The following F10 variants were observed in gnomAD, a reference collection of about 807,000 sequenced individuals.
The protein encoded by F10 is Stuart-Prower factor.
A neutral mutation model predicts 37.1 loss-of-function variants in F10; 29 were observed. The observed-to-expected ratio is 0.78, with a 90% CI of 0.58 to 1.07. F10 has a LOEUF of 1.07. Among genes scored for constraint, F10 ranks in the 50% least tolerant of loss-of-function variants. F10 has a pLI of 0.00. For synonymous variants in F10, 262 were observed against 268.6 expected, an observed-to-expected ratio of 0.98 and a Z score of 0.24; for missense variants, 539 against 667.9, an observed-to-expected ratio of 0.81 and a Z score of 2.13.
chr13:113,143,699 ACGTG>A lies in F10; in HGVS notation c.503-151_503-148del. The stretch of plus-strand genomic sequence containing the variant: ...CCTGCAGATCCGACCCCTGCCGACG[ACGTG>A]GGGCCTCGCCCTGCAAGCCCGCTGC... On this transcript the variant is annotated intron_variant, in intron 5 of 7. Coordinates refer to ENST00000375559, the MANE Select transcript of F10 (RefSeq NM_000504.4). This position sits in a 1 kb window ranked among gnomAD's most constrained non-coding sequence, Gnocchi z 6.8. 8.3e-7 allele frequency: 1 copy of A among 1,203,564 alleles called. No individual in the cohort carries two copies. Among genetic ancestry groups the A allele is most frequent in the South Asian group, 1.4e-5 (1 of 71,410 alleles). The allele number at this position is 1,203,564 out of a possible 1,614,324, so 74.6% of individuals were successfully genotyped here.
Position 113,149,485 on chromosome 13 carries a change from C to T in F10, c.1435C>T (p.Pro479Ser). The T allele has an allele frequency of 2.5e-6, 4 of 1,613,244 alleles. No homozygotes were observed. The highest frequency in any genetic ancestry group is 2.5e-6 in the Non-Finnish European group (3 of 1,180,034). The change falls in exon 8 of 8, where the codon CCG becomes TCG. Residue 479 changes from proline (P) to serine (S), a missense_variant. By Grantham distance (74) the Pro-to-Ser change is moderately conservative. Coordinates refer to ENST00000375559, the MANE Select transcript of F10 (RefSeq NM_000504.4). This position sits in a 1 kb window ranked among gnomAD's most constrained non-coding sequence, Gnocchi z 7.5. Reference sequence around the variant, plus strand: ...CTTGCCCAAGGCCAAGAGCCATGCCCCGGAGGTCATAACGTCCTCTCCATT... The same window carrying T: ...CTTGCCCAAGGCCAAGAGCCATGCCTCGGAGGTCATAACGTCCTCTCCATT... ...RGLPKAKSHAPEVITSSPLK is the reference protein window; with the variant it reads ...RGLPKAKSHASEVITSSPLK
intron 2 of F10, chr13:113,131,174 C>T (rs1459333540): frequency 6.6e-6 from 1 of 152,258 alleles, no homozygotes; most frequent in East Asian, 1.9e-4. Flanking sequence ...CTAAGCCTTT[C>T]ATCACCTGCT....
chr13:113,143,711 GCC>G lies in F10; in HGVS notation c.503-138_503-137del. 1.1e-5 allele frequency: 14 copies of G among 1,233,950 alleles called. No homozygotes were observed. Among genetic ancestry groups the G allele is most frequent in the Admixed American group, 7.3e-5 (3 of 41,156 alleles). 76.4% of individuals were successfully genotyped at this position (1,233,950 alleles called of 1,614,324 possible). ...ACCCCTGCCGACGACGTGGGGCCTC[GCC>G]CTGCAAGCCCGCTGCCCCTCCGGGT... is the stretch of plus-strand genomic sequence containing the variant. On this transcript the variant is annotated intron_variant, in intron 5 of 7. Transcript: ENST00000375559. This position sits in a 1 kb window ranked among gnomAD's most constrained non-coding sequence, Gnocchi z 6.8.
intron 7 of F10, 107 bp downstream of exon 7, chr13:113,147,603 C>G: frequency 2.5e-6 from 2 of 788,320 alleles, no homozygotes; most frequent in Non-Finnish European, 4.6e-6. Context: ...GGTTGAAATC[C>G]TGAAATCCTA....
intron 1 of F10, among the ~76,000 whole-genome samples, chr13:113,123,706 C>A (rs2036342918): frequency 6.6e-6 from 1 of 152,084 alleles, no homozygotes; most frequent in Non-Finnish European, 1.5e-5. Context: ...AAAGGGGAGA[C>A]CCCTGGGAAG....
Position 113,143,699 on chromosome 13 carries a change from ACGTGGGGCCTCGCCCT to A in F10, c.503-151_503-136del. On this transcript the variant is annotated intron_variant, in intron 5 of 7. Transcript: ENST00000375559. This position sits in a 1 kb window ranked among gnomAD's most constrained non-coding sequence, Gnocchi z 6.8. ...CCTGCAGATCCGACCCCTGCCGACGACGTGGGGCCTCGCCCTGCAAGCCCGCTGCCCCTCCGGGTGC... is the reference window on the plus strand; with the variant it reads ...CCTGCAGATCCGACCCCTGCCGACGAGCAAGCCCGCTGCCCCTCCGGGTGC... 2.5e-6 allele frequency: 3 copies of A among 1,203,568 alleles called. No individual in the cohort carries two copies. Among genetic ancestry groups the A allele is most frequent in the Admixed American group, 2.1e-5 (1 of 46,648 alleles). 74.6% of individuals were successfully genotyped at this position (1,203,568 alleles called of 1,614,324 possible). A position where few individuals can be genotyped will look rare whatever the true frequency, so the allele number is the denominator to read the frequency against.
intron 7 of F10, among the ~76,000 whole-genome samples, chr13:113,148,239 G>A (rs1276357379): frequency 6.6e-6 from 1 of 151,096 alleles, no homozygotes; most frequent in Non-Finnish European, 1.5e-5. Flanking sequence ...GCTGAGGCAG[G>A]AGAACCACTT....
At chr13:113,132,345 T>G (rs1048044062) in intron 2 of F10, among the ~76,000 whole-genome samples, 1 of 152,268 alleles carries the variant, frequency 6.6e-6, no homozygotes, top group Non-Finnish European at 1.5e-5. Context: ...CTTCTTTACT[T>G]ATATATAGCT....
chr13:113,123,741 C>T (rs1285228208), intron 1 of F10, among the ~76,000 whole-genome samples: 1 of 152,154 alleles, frequency 6.6e-6, no homozygotes, highest in Non-Finnish European at 1.5e-5. Flanking sequence ...CAGTGCATCA[C>T]TGACCTAAAC....
intron 6 of F10, 129 bp from the exon 7 acceptor site, chr13:113,147,250 T>C: frequency 1.4e-6 from 1 of 720,078 alleles, no homozygotes; most frequent in Non-Finnish European, 2.6e-6. Flanking sequence ...CTTGGGTGGA[T>C]GGCAGGAGAC....
rs2036550297 is a variant in F10, at chr13:113,143,355, C to G, written c.503-496C>G. On this transcript the variant is annotated intron_variant, in intron 5 of 7. Transcript: ENST00000375559. This position sits in a 1 kb window ranked among gnomAD's most constrained non-coding sequence, Gnocchi z 6.8. Reference sequence around the variant, plus strand: ...CAGTTGTTTGCGTGCGCCATTCCTTCTGCCTGAAAACTTTTTTTTCTTCAA... The same window carrying G: ...CAGTTGTTTGCGTGCGCCATTCCTTGTGCCTGAAAACTTTTTTTTCTTCAA... Among the ~76,000 whole-genome samples the G allele has an allele frequency of 6.6e-6, 1 of 152,160 alleles. No individual in the cohort carries two copies. Among genetic ancestry groups the G allele is most frequent in the African/African-American group, 2.4e-5 (1 of 41,432 alleles).
At chr13:113,137,222 G>A (rs1274170281) in intron 2 of F10, among the ~76,000 whole-genome samples, 2 of 152,226 alleles carry the variant, frequency 1.3e-5, no homozygotes, top group African/African-American at 4.8e-5. Flanking sequence ...CAAAGGCTTT[G>A]TATTGAATGA....
intron 1 of F10, among the ~76,000 whole-genome samples, chr13:113,124,964 C>T (rs1217680364): frequency 1.3e-5 from 2 of 152,220 alleles, no homozygotes; most frequent in East Asian, 1.9e-4. Flanking sequence ...CCTCCATCAT[C>T]GCATGGGGTT....
At chr13:113,127,293 G>A (rs3211730) in intron 1 of F10, among the ~76,000 whole-genome samples, 1 of 152,220 alleles carries the variant, frequency 6.6e-6, no homozygotes, top group Non-Finnish European at 1.5e-5. Flanking sequence ...AGAGTTTGGA[G>A]TTCTGAGATG....
intron 2 of F10, among the ~76,000 whole-genome samples, chr13:113,134,487 C>G (rs1595091076): frequency 6.6e-6 from 1 of 152,114 alleles, no homozygotes; most frequent in Non-Finnish European, 1.5e-5. Context: ...AAGGGGAATC[C>G]TCTTAAAAAA....
chr13:113,138,397 A>T lies in F10; in HGVS notation c.232-60A>T. 4.8e-6 allele frequency: 4 copies of T among 839,916 alleles called. No homozygotes were observed. In the Admixed American group the frequency reaches 8.0e-5, roughly 17 times the overall value. The allele number at this position is 839,916 out of a possible 1,614,324, so 52.0% of individuals were successfully genotyped here. ...CTTGAGTCACTTAATTATGGTTGTT[A>T]TTGGTATAAAATGTCTCTGTTTTCC... On this transcript the variant is annotated intron_variant, in intron 2 of 7. Coordinates refer to ENST00000375559, the MANE Select transcript of F10 (RefSeq NM_000504.4).
intron 4 of F10, among the ~76,000 whole-genome samples, chr13:113,140,032 G>C (rs1238538986): frequency 1.3e-5 from 2 of 150,886 alleles, no homozygotes; most frequent in Non-Finnish European, 3.0e-5. Flanking sequence ...TTTCCCTAAG[G>C]AAAAAGATTT....
In F10 at chr13:113,141,890, G is replaced by A. The variant is rs1432668496; in HGVS notation, c.502+840G>A. ...AGCCTGGTGACCCAGCTCACCTTCCGGCTTCAGGTGCGGCTCAGCCCCCAG... is the reference window on the plus strand; with the variant it reads ...AGCCTGGTGACCCAGCTCACCTTCCAGCTTCAGGTGCGGCTCAGCCCCCAG... On this transcript the variant is annotated intron_variant, in intron 5 of 7. Coordinates refer to ENST00000375559, the MANE Select transcript of F10 (RefSeq NM_000504.4). The surrounding 1 kb of genome is among the most constrained non-coding windows in gnomAD (Gnocchi z 5.4). Among the ~76,000 whole-genome samples the A allele has an allele frequency of 2.6e-5, 4 of 152,186 alleles. No individual in the cohort carries two copies. The highest frequency in any genetic ancestry group is 7.2e-5 in the African/African-American group (3 of 41,450).
At chr13:113,145,431 C>G (rs2036573674) in intron 6 of F10, among the ~76,000 whole-genome samples, 1 of 151,476 alleles carries the variant, frequency 6.6e-6, no homozygotes, top group South Asian at 2.1e-4. Context: ...ATACATTAAA[C>G]AAAAGCACAA....
Sources: gnomAD v4.1 joint callset for allele counts (sites outside exome capture counted in the v4.1 genomes callset) on GRCh38, gnomAD v4.1.1 for gene constraint, Gnocchi (gnomAD v3.1) non-coding constraint, MANE v1.5 for transcripts, NCBI Gene and HGNC (gene_info 2026-07-23, HGNC 2026-07-21) for gene names.